The following RYR3 variants were observed in gnomAD, a reference collection of about 807,000 sequenced individuals.
RYR3 encodes the protein ryanodine receptor 3.
RYR3 carries 207 observed loss-of-function variants against 584.3 expected under a neutral mutation model. The ratio of observed to expected loss-of-function variants is 0.35; its 90% CI spans 0.32 to 0.40. The LOEUF is 0.40. Among genes scored for constraint, RYR3 ranks in the 10% least tolerant of loss-of-function variants. RYR3 has a pLI of 1.00. For missense variants in RYR3, 5,616 were observed against 6,089.2 expected (o/e 0.92, Z 2.59); for synonymous variants, 2,416 against 2,248.5 (o/e 1.07, Z -2.11).
chr15:33,722,066 C>A (rs116378446), intron 43 of RYR3, among the ~76,000 whole-genome samples: 1,730 of 152,294 alleles, frequency 0.011, 32 homozygotes, highest in African/African-American at 0.039. Flanking sequence ...TCCATACAAA[C>A]CTGGCTGTCC....
At chr15:33,738,329 T>C in intron 49 of RYR3, 121 bp from the exon 50 acceptor site, 2 of 975,448 alleles carry the variant, frequency 2.1e-6, no homozygotes, top group Non-Finnish European at 3.0e-6. Context: ...ACAGCCCAGC[T>C]GTTTCGCATG....
At chr15:33,804,347 C>A (rs1271417460) in intron 69 of RYR3, among the ~76,000 whole-genome samples, 1 of 152,168 alleles carries the variant, frequency 6.6e-6, no homozygotes, top group African/African-American at 2.4e-5. Context: ...TCATATTGTT[C>A]TGTTGCCTGA....
Position 33,841,851 on chromosome 15 carries a change from C to T in RYR3, c.13038-13C>T, listed in dbSNP as rs768814404. 3.2e-5 allele frequency: 50 copies of T among 1,584,574 alleles called. No homozygotes were observed. Among genetic ancestry groups the T allele is most frequent in the Admixed American group, 1.1e-4 (6 of 55,246 alleles). On this transcript the variant is annotated splice_polypyrimidine_tract_variant and intron_variant, in intron 90 of 103. Coordinates refer to ENST00000634891, the MANE Select transcript of RYR3 (RefSeq NM_001036.6). ...CCCGTCTGCCCTGCTGAGTGGGTTT[C>T]CCATTTCTGCAGCATGGAAGATGGA...
intron 18 of RYR3, among the ~76,000 whole-genome samples, chr15:33,609,425 G>A (rs779933553): frequency 4.0e-4 from 61 of 152,046 alleles, no homozygotes; most frequent in Non-Finnish European, 2.4e-4. Flanking sequence ...GGAGGCCGAG[G>A]TGGGAGGATC....
intron 27 of RYR3, among the ~76,000 whole-genome samples, chr15:33,637,177 A>T (rs188075100): frequency 6.6e-6 from 1 of 152,346 alleles, no homozygotes; most frequent in East Asian, 1.9e-4. Context: ...ATATAACTAC[A>T]TTATGTACAC....
chr15:33,824,237 A>G (rs1182325620), intron 81 of RYR3, among the ~76,000 whole-genome samples: 1 of 152,226 alleles, frequency 6.6e-6, no homozygotes, highest in African/African-American at 2.4e-5. Flanking sequence ...CTCATTTATA[A>G]TGACAGCTTG....
chr15:33,338,977 A>G (rs1044910906), intron 1 of RYR3, among the ~76,000 whole-genome samples: 2 of 152,256 alleles, frequency 1.3e-5, no homozygotes, highest in African/African-American at 4.8e-5. Flanking sequence ...CACATTAAGG[A>G]TAGCTGCAGC....
chr15:33,503,549 C>T (rs908403827), intron 2 of RYR3, 82 bp from the exon 3 acceptor site: 3 of 796,168 alleles, frequency 3.8e-6, no homozygotes, highest in South Asian at 1.6e-5. Flanking sequence ...GATTCATAGG[C>T]TCTTTGCCCT....
chr15:33,727,659 C>T (rs1457229148), intron 46 of RYR3, among the ~76,000 whole-genome samples: 1 of 152,208 alleles, frequency 6.6e-6, no homozygotes, highest in Non-Finnish European at 1.5e-5. Flanking sequence ...CCCCTTCTCT[C>T]TGGCTCTGCT....
chr15:33,785,576 A>C lies in RYR3; in HGVS notation c.9269-86A>C, dbSNP rs1017645814. Reference sequence around the variant, plus strand: ...AAGCTCTAGAAATTTATTCCTAAAGACCAAAGGAAAGGAGGGGCAGAGAGA... The same window carrying C: ...AAGCTCTAGAAATTTATTCCTAAAGCCCAAAGGAAAGGAGGGGCAGAGAGA... On this transcript the variant is annotated intron_variant, in intron 65 of 103. Transcript: ENST00000634891. 9 of 1,115,624 alleles carry C rather than the reference A, an allele frequency of 8.1e-6. No homozygotes were observed. The Admixed American group carries it at 2.6e-4, about 32-fold the overall frequency. The allele number at this position is 1,115,624 out of a possible 1,614,324, so 69.1% of individuals were successfully genotyped here. A position where few individuals can be genotyped will look rare whatever the true frequency, so the allele number is the denominator to read the frequency against.
intron 99 of RYR3, chr15:33,858,253 G>A: frequency 4.3e-6 from 1 of 230,228 alleles, no homozygotes; most frequent in Non-Finnish European, 8.6e-6. Flanking sequence ...CGCCCAGGCT[G>A]GAGTGCAATG....
At chr15:33,393,348 C>A (rs2042114392) in intron 1 of RYR3, among the ~76,000 whole-genome samples, 1 of 152,170 alleles carries the variant, frequency 6.6e-6, no homozygotes, top group Admixed American at 6.5e-5. Context: ...TACCTATTGA[C>A]CCTCCTCCCC....
chr15:33,622,658 C>G (rs911649687), intron 19 of RYR3, among the ~76,000 whole-genome samples: 4 of 152,162 alleles, frequency 2.6e-5, no homozygotes, highest in Non-Finnish European at 5.9e-5. Flanking sequence ...TGGAGAAGGG[C>G]AGGGGAATGA....
intron 12 of RYR3, among the ~76,000 whole-genome samples, chr15:33,575,395 A>G (rs1168685179): frequency 6.6e-6 from 1 of 152,192 alleles, no homozygotes; most frequent in Non-Finnish European, 1.5e-5. Flanking sequence ...TTCTCAGCAA[A>G]TGCAAAAGAA....
chr15:33,560,196 C>T (rs559963019), intron 10 of RYR3, among the ~76,000 whole-genome samples: 63 of 152,242 alleles, frequency 4.1e-4, no homozygotes, highest in Non-Finnish European at 7.6e-4. Flanking sequence ...TCTCTATCAC[C>T]GAGCTCTTTA....
intron 67 of RYR3, 146 bp from the exon 68 acceptor site, chr15:33,800,624 T>C: frequency 1.7e-6 from 1 of 602,276 alleles, no homozygotes; most frequent in Non-Finnish European, 3.0e-6. Context: ...TATATTGCTA[T>C]TTAGTCTCCC....
Position 33,801,307 on chromosome 15 carries a change from G to A in RYR3, c.9918+450G>A, listed in dbSNP as rs779413927. Among the ~76,000 whole-genome samples the A allele has an allele frequency of 2.0e-4, 30 of 152,162 alleles. 1 individual carries two copies. The highest frequency in any genetic ancestry group is 1.3e-4 in the Admixed American group (2 of 15,282). ...GTCAGACCAACATTCTTATTATGCA[G>A]ATGAAGTCTCATATGTGGCCACCCA... On this transcript the variant is annotated intron_variant, in intron 68 of 103. Coordinates refer to ENST00000634891, the MANE Select transcript of RYR3 (RefSeq NM_001036.6).
intron 10 of RYR3, among the ~76,000 whole-genome samples, chr15:33,551,170 T>C (rs1025509479): frequency 5.9e-5 from 9 of 152,346 alleles, no homozygotes; most frequent in African/African-American, 1.9e-4. Flanking sequence ...TTATGAGTGT[T>C]CTGGAAAGAT....
At chr15:33,632,860 C>T (rs2061334895) in intron 23 of RYR3, 89 bp from the exon 24 acceptor site, 4 of 1,115,186 alleles carry the variant, frequency 3.6e-6, no homozygotes, top group Admixed American at 2.0e-5. Flanking sequence ...ATTTGCGTAG[C>T]GTTCTTACCA....
Sources: allele counts gnomAD v4.1 joint callset (sites outside exome capture counted in the v4.1 genomes callset), GRCh38; gene constraint gnomAD v4.1.1; transcripts MANE v1.5; gene names NCBI Gene and HGNC (gene_info 2026-07-23, HGNC 2026-07-21).